SEC14L5: variants seen among roughly 807,000 people sequenced by gnomAD.
SEC14L5 encodes SEC14 like lipid binding 5.
Under a neutral mutation model 84.6 loss-of-function variants are expected in SEC14L5, and 96 were observed. The observed-to-expected ratio is 1.13, with a 90% confidence interval of 0.96 to 1.34. The LOEUF (loss-of-function observed/expected upper bound fraction) is 1.34. SEC14L5 is among the 40% of genes most tolerant of loss of function. The pLI is 0.00. For synonymous variants in SEC14L5, 546 were observed against 383.4 expected (o/e 1.42, Z -4.95); for missense variants, 1,224 against 942.5 (o/e 1.30, Z -3.91).
intron 2 of SEC14L5, among the ~76,000 whole-genome samples, chr16:4,980,990 G>A (rs1955416289): frequency 6.6e-6 from 1 of 152,156 alleles, no homozygotes; most frequent in African/African-American, 2.4e-5. Flanking sequence ...ACGCAGCAAA[G>A]CTGGCGTGGC....
At chr16:4,991,423 G>A (rs912618249) in intron 5 of SEC14L5, among the ~76,000 whole-genome samples, 1 of 151,954 alleles carries the variant, frequency 6.6e-6, no homozygotes, top group African/African-American at 2.4e-5. Context: ...AAAATTAGGT[G>A]GGTGTGGTGG....
chr16:5,012,395 C>T (rs1438786557), intron 15 of SEC14L5, among the ~76,000 whole-genome samples: 1 of 152,130 alleles, frequency 6.6e-6, no homozygotes, highest in Admixed American at 6.6e-5. Flanking sequence ...GACCTTACTG[C>T]CCTGTCCTCT....
At chr16:5,006,502 C>T (rs1316329925) in intron 12 of SEC14L5, among the ~76,000 whole-genome samples, 1 of 152,156 alleles carries the variant, frequency 6.6e-6, no homozygotes, top group Non-Finnish European at 1.5e-5. Flanking sequence ...GAACCCCCTT[C>T]AAGGGAGGCA....
intron 5 of SEC14L5, 68 bp from the exon 6 acceptor site, chr16:4,991,770 G>A: frequency 9.0e-7 from 1 of 1,114,618 alleles, no homozygotes; most frequent in East Asian, 2.7e-5. Flanking sequence ...GTGACTCCCT[G>A]TGGTGATCCT....
intron 6 of SEC14L5, among the ~76,000 whole-genome samples, chr16:4,993,959 T>C (rs2972266): frequency 1 from 146,459 of 146,992 alleles, 72,964 homozygotes; most frequent in Middle Eastern, 1. Flanking sequence ...GTTTAGTGAC[T>C]GTTTTCCTTT....
At chr16:4,979,149 T>G (rs1015116691) in intron 2 of SEC14L5, among the ~76,000 whole-genome samples, 1 of 152,138 alleles carries the variant, frequency 6.6e-6, no homozygotes, top group Non-Finnish European at 1.5e-5. Flanking sequence ...ATGGGGACTG[T>G]CTGAGGAACA....
rs187259129 is a variant in SEC14L5 at position 4,972,464 on chromosome 16, G to A, written c.63+13078G>A. Among the ~76,000 whole-genome samples, 253 of 152,258 alleles carry A rather than the reference G, an allele frequency of 1.7e-3. 2 individuals are homozygous for A. Among genetic ancestry groups the A allele is most frequent in the Non-Finnish European group, 2.6e-3 (179 of 68,014 alleles). ...CCTTCATCATCCCAAACCGGACTCT[G>A]TACCCATGAAACACTAACTCTCCAC... is the stretch of plus-strand genomic sequence containing the variant. On this transcript the variant is annotated intron_variant, in intron 2 of 15. Coordinates refer to ENST00000251170, the MANE Select transcript of SEC14L5 (RefSeq NM_014692.2).
chr16:5,010,018 C>T (rs1955780433), intron 14 of SEC14L5, among the ~76,000 whole-genome samples: 1 of 151,700 alleles, frequency 6.6e-6, no homozygotes, highest in African/African-American at 2.4e-5. Context: ...TTCTGATGTG[C>T]ACTGTGGTTT....
chr16:5,016,483 C>T lies in SEC14L5; in HGVS notation c.*1513C>T, dbSNP rs930666565. On this transcript the variant is annotated 3_prime_UTR_variant, in exon 16 of 16. Transcript: ENST00000251170. Reference sequence around the variant, plus strand: ...CTATTGTTGCATGAAGACAACACCTCTGCACCCCTGGATGTGGCCACGCCA... The same window carrying T: ...CTATTGTTGCATGAAGACAACACCTTTGCACCCCTGGATGTGGCCACGCCA... 2.0e-5 allele frequency: 3 copies of T among 152,250 alleles called. No individual in the cohort carries two copies. Among genetic ancestry groups the T allele is most frequent in the Non-Finnish European group, 2.9e-5 (2 of 68,050 alleles). 9.4% of individuals were successfully genotyped at this position (152,250 alleles called of 1,614,324 possible).
intron 2 of SEC14L5, among the ~76,000 whole-genome samples, chr16:4,963,484 T>G (rs901086297): frequency 6.6e-6 from 1 of 152,176 alleles, no homozygotes; most frequent in Admixed American, 6.5e-5. Flanking sequence ...TAGCTGAGAT[T>G]ACAGGCATGT....
chr16:5,004,821 C>T (rs748323157), intron 11 of SEC14L5, among the ~76,000 whole-genome samples: 4 of 152,178 alleles, frequency 2.6e-5, no homozygotes, highest in Non-Finnish European at 5.9e-5. Context: ...TGGCTTAGAG[C>T]TCAGTGTTAA....
intron 5 of SEC14L5, 132 bp downstream of exon 5, chr16:4,991,027 A>G: frequency 1.6e-6 from 1 of 622,356 alleles, no homozygotes; most frequent in Non-Finnish European, 2.5e-6. Flanking sequence ...GTACTCTAGT[A>G]ATGACCAAAT....
rs1363718151 is a variant in SEC14L5 at position 5,016,809 on chromosome 16, T to C, written c.*1839T>C. 3 of 152,222 alleles carry C rather than the reference T, an allele frequency of 2.0e-5. No homozygotes were observed. Among genetic ancestry groups the C allele is most frequent in the Admixed American group, 2.0e-4 (3 of 15,282 alleles). 9.4% of individuals were successfully genotyped at this position (152,222 alleles called of 1,614,324 possible). A position where few individuals can be genotyped will look rare whatever the true frequency, so the allele number is the denominator to read the frequency against. ...TTTTCAGATACATCCTTCTTCCTGC[T>C]GGGAGAGAGCCTTGCCCACCTTCCT... On this transcript the variant is annotated 3_prime_UTR_variant, in exon 16 of 16. Coordinates refer to ENST00000251170, the MANE Select transcript of SEC14L5 (RefSeq NM_014692.2).
rs1251113666 is a variant in SEC14L5, at chr16:5,011,007, C to T, written c.1801-88C>T. On this transcript the variant is annotated intron_variant, in intron 14 of 15. Coordinates refer to ENST00000251170, the MANE Select transcript of SEC14L5 (RefSeq NM_014692.2). ...GGGAGAAGAGCCCCAATTTCCAGGCCTGGTGATGAGAAGCCCATGAAGGCT... is the reference window on the plus strand; with the variant it reads ...GGGAGAAGAGCCCCAATTTCCAGGCTTGGTGATGAGAAGCCCATGAAGGCT... The T allele has an allele frequency of 3.8e-6, 5 of 1,308,334 alleles. No homozygotes were observed. In the African/African-American group the frequency reaches 4.4e-5, roughly 12 times the overall value. The allele number at this position is 1,308,334 out of a possible 1,614,324, so 81.0% of individuals were successfully genotyped here. A position where few individuals can be genotyped will look rare whatever the true frequency, so the allele number is the denominator to read the frequency against.
At chr16:4,982,226 C>T (rs968115122) in intron 2 of SEC14L5, among the ~76,000 whole-genome samples, 1 of 152,174 alleles carries the variant, frequency 6.6e-6, no homozygotes, top group Admixed American at 6.5e-5. Flanking sequence ...CTCCCCCCGC[C>T]TCTCTTCCTG....
chr16:5,004,402 G>A (rs902691422), intron 11 of SEC14L5, among the ~76,000 whole-genome samples: 4 of 152,156 alleles, frequency 2.6e-5, no homozygotes, highest in Admixed American at 2.6e-4. Flanking sequence ...CACATCAGCC[G>A]GGGTCCTGGC....
At chr16:4,996,799 T>A in intron 7 of SEC14L5, 56 bp from the exon 8 acceptor site, 2 of 1,397,508 alleles carry the variant, frequency 1.4e-6, no homozygotes, top group Non-Finnish European at 2.0e-6. Flanking sequence ...TCTGTAATTT[T>A]ATCTGCTGGG....
chr16:4,964,433 A>G (rs2142471760), intron 2 of SEC14L5, among the ~76,000 whole-genome samples: 1 of 152,166 alleles, frequency 6.6e-6, no homozygotes, highest in South Asian at 2.1e-4. Context: ...CTAAAAATAC[A>G]AAATTACCTA....
intron 12 of SEC14L5, 123 bp from the exon 13 acceptor site, chr16:5,007,229 A>G (rs994990730): frequency 5.1e-5 from 39 of 760,710 alleles, no homozygotes; most frequent in Non-Finnish European, 8.1e-5. Flanking sequence ...GGAAGCCCAC[A>G]GCCCATTCAG....
Sources: allele counts gnomAD v4.1 joint callset (sites outside exome capture counted in the v4.1 genomes callset), GRCh38; gene constraint gnomAD v4.1.1; transcripts MANE v1.5; gene names NCBI Gene and HGNC (gene_info 2026-07-23, HGNC 2026-07-21).